The following SGCE variants were observed in gnomAD, a reference collection of about 807,000 sequenced individuals.
SGCE encodes sarcoglycan epsilon, also known as epsilon-sarcoglycan.
SGCE carries 26 observed loss-of-function variants against 57.8 expected under a neutral mutation model. That is an observed-to-expected ratio of 0.45 (90% CI 0.33 to 0.62). The LOEUF is 0.62. Among genes scored for constraint, SGCE ranks in the 20% least tolerant of loss-of-function variants. The pLI, the probability that SGCE is intolerant of heterozygous loss-of-function variation, is 0.02. For missense variants in SGCE, 468 were observed against 548.6 expected (o/e 0.85, Z 1.47); for synonymous variants, 183 against 189.5 (o/e 0.97, Z 0.28).
intron 5 of SGCE, among the ~76,000 whole-genome samples, chr7:94,604,673 G>A (rs905379845): frequency 1.3e-5 from 2 of 150,892 alleles, no homozygotes; most frequent in East Asian, 3.9e-4. Context: ...TGGAAAAACT[G>A]GATATCCACA....
At chr7:94,599,794 T>C in intron 7 of SGCE, 71 bp from the exon 8 acceptor site, 2 of 1,080,838 alleles carry the variant, frequency 1.9e-6, no homozygotes, top group South Asian at 2.5e-5. Context: ...TATATGCTCA[T>C]GGGATCTTGC....
In SGCE at chr7:94,585,233, A is replaced by G. The variant is rs967838279; in HGVS notation, c.*266T>C. The G allele has an allele frequency of 4.8e-6, 2 of 416,022 alleles. No individual in the cohort carries two copies. Among genetic ancestry groups the G allele is most frequent in the Non-Finnish European group, 8.6e-6 (2 of 232,760 alleles). The allele number at this position is 416,022 out of a possible 1,614,324, so 25.8% of individuals were successfully genotyped here. On this transcript the variant is annotated 3_prime_UTR_variant, in exon 11 of 11. Coordinates refer to ENST00000648936, the MANE Select transcript of SGCE (RefSeq NM_003919.3). ...TAAATTTCACCAGTCATTAGGCTTC[A>G]TTAATAATATTTATTTTAAAGATCA... is the stretch of plus-strand genomic sequence containing the variant.
At chr7:94,593,518 A>C (rs1295387994) in intron 9 of SGCE, among the ~76,000 whole-genome samples, 1 of 151,974 alleles carries the variant, frequency 6.6e-6, no homozygotes, top group Non-Finnish European at 1.5e-5. Flanking sequence ...TATTTTTTAG[A>C]AAATCAAATA....
intron 3 of SGCE, 67 bp downstream of exon 3, chr7:94,628,135 A>AAT (rs1554358565): frequency 2.9e-6 from 3 of 1,043,326 alleles, no homozygotes; most frequent in Non-Finnish European, 4.2e-6. Context: ...CTCAAATTAC[A>AAT]ATACACACAC....
chr7:94,598,431 CTAAAAA>C (rs1393501974), intron 9 of SGCE: 2 of 263,040 alleles, frequency 7.6e-6, no homozygotes, highest in East Asian at 2.1e-4. Flanking sequence ...TCTAATATCT[CTAAAAA>C]TAATCAATTT....
intron 5 of SGCE, among the ~76,000 whole-genome samples, chr7:94,613,557 A>T (rs1025009009): frequency 6.6e-6 from 1 of 152,164 alleles, no homozygotes; most frequent in Non-Finnish European, 1.5e-5. Context: ...TCTTGTGAAG[A>T]ATTTTTTTTA....
At chr7:94,626,716 A>G (rs1352286798) in intron 3 of SGCE, 2 of 151,962 alleles carry the variant, frequency 1.3e-5, no homozygotes, top group Non-Finnish European at 2.9e-5. Context: ...TGGGACCTCC[A>G]ATACATTCTG....
At chr7:94,618,146 A>G (rs572444763) in intron 5 of SGCE, 6 of 152,350 alleles carry the variant, frequency 3.9e-5, no homozygotes, top group Non-Finnish European at 8.8e-5. Context: ...GAACTGACAA[A>G]TACCTTTCAA....
intron 4 of SGCE, chr7:94,620,279 G>C (rs1029087695): frequency 1.3e-5 from 2 of 152,062 alleles, no homozygotes; most frequent in African/African-American, 4.8e-5. Context: ...GAGTTTTCTA[G>C]AGTGTGGTCA....
chr7:94,630,891 C>G (rs1050615672), intron 1 of SGCE, among the ~76,000 whole-genome samples: 9 of 151,940 alleles, frequency 5.9e-5, no homozygotes, highest in Non-Finnish European at 8.8e-5. Flanking sequence ...ATAGCAAGAT[C>G]ACTGAACTAC....
At position 94,628,736 on chromosome 7, in the gene SGCE, CAT is replaced by C. The variant is rs373628637; in HGVS notation, c.233-379_233-378del. 487 of 209,916 alleles carry C rather than the reference CAT, an allele frequency of 2.3e-3. 2 individuals carry two copies. The highest frequency in any genetic ancestry group is 0.011 in the African/African-American group (461 of 42,552). The allele number at this position is 209,916 out of a possible 1,614,324, so 13.0% of individuals were successfully genotyped here. On this transcript the variant is annotated intron_variant, in intron 2 of 10. Transcript: ENST00000648936. ...CCGTTCATGAAACTCTGGACACTAT[CAT>C]ATGAGTATGAAAGATATTCCAAAAT...
chr7:94,649,040 A>T (rs1227258686), intron 1 of SGCE, among the ~76,000 whole-genome samples: 2 of 152,226 alleles, frequency 1.3e-5, no homozygotes, highest in Non-Finnish European at 1.5e-5. Context: ...GAGCGGCTTC[A>T]TTTATCAGAA....
In SGCE at chr7:94,644,718, C is replaced by T. The variant is rs181525336; in HGVS notation, c.109+11272G>A. On this transcript the variant is annotated intron_variant, in intron 1 of 10. Coordinates refer to ENST00000648936, the MANE Select transcript of SGCE (RefSeq NM_003919.3). ...TTTCAGAAGTTGGTTATATAGCTCA[C>T]GTGTCCGGCATCCCTTCCCTTCTCT... 177 of 887,484 alleles carry T rather than the reference C, an allele frequency of 2.0e-4. No individual in the cohort carries two copies. The African/African-American group carries it at 2.8e-3, about 14-fold the overall frequency. 55.0% of individuals were successfully genotyped at this position (887,484 alleles called of 1,614,324 possible).
chr7:94,587,759 A>G, intron 10 of SGCE: 2 of 1,536,604 alleles, frequency 1.3e-6, no homozygotes, highest in Non-Finnish European at 1.8e-6. Flanking sequence ...AATCTGATGA[A>G]CAATTTCATT....
intron 2 of SGCE, chr7:94,628,657 C>A: frequency 2.8e-6 from 1 of 353,158 alleles, no homozygotes; most frequent in Admixed American, 4.3e-5. Context: ...AGACAACTAT[C>A]TTTCAGGAGA....
chr7:94,615,648 T>G lies in SGCE; in HGVS notation c.662+3110A>C, dbSNP rs1020611828. Among the ~76,000 whole-genome samples, 7 of 152,168 alleles carry G rather than the reference T, an allele frequency of 4.6e-5. No individual in the cohort carries two copies. In the South Asian group the frequency reaches 1.5e-3, roughly 32 times the overall value. On this transcript the variant is annotated intron_variant, in intron 5 of 10. Coordinates refer to ENST00000648936, the MANE Select transcript of SGCE (RefSeq NM_003919.3). ...TAGAGAATAAAATAGGATTCTCTGT[T>G]GTTGATTGAAACTGGATCCACATGC...
At chr7:94,635,673 C>T (rs1009553579) in intron 1 of SGCE, among the ~76,000 whole-genome samples, 1 of 152,146 alleles carries the variant, frequency 6.6e-6, no homozygotes, top group African/African-American at 2.4e-5. Flanking sequence ...GTTGTTACTA[C>T]AGTCAAATTG....
intron 1 of SGCE, among the ~76,000 whole-genome samples, chr7:94,644,311 A>G (rs1430810857): frequency 6.6e-6 from 1 of 152,198 alleles, no homozygotes; most frequent in African/African-American, 2.4e-5. Flanking sequence ...TTGTCTTAAG[A>G]TTCCATGATT....
At chr7:94,607,860 T>A (rs573223731) in intron 5 of SGCE, among the ~76,000 whole-genome samples, 2 of 152,328 alleles carry the variant, frequency 1.3e-5, no homozygotes, top group South Asian at 4.1e-4. Context: ...GATGATATGA[T>A]TCAAAAGAAT....
Sources: gnomAD v4.1 joint callset for allele counts (sites outside exome capture counted in the v4.1 genomes callset) on GRCh38, gnomAD v4.1.1 for gene constraint, MANE v1.5 for transcripts, NCBI Gene and HGNC (gene_info 2026-07-23, HGNC 2026-07-21) for gene names.